Variants in TCF12 observed in about 807,000 individuals in gnomAD.
The protein encoded by TCF12 is DNA-binding protein HTF4.
TCF12 carries 45 observed loss-of-function variants against 86.0 expected under a neutral mutation model. That is an observed-to-expected ratio of 0.52 (90% CI 0.41 to 0.67). The LOEUF is 0.67. Ranked by LOEUF, TCF12 falls within the 30% of genes least tolerant of loss-of-function variation. The pLI, the probability that TCF12 is intolerant of heterozygous loss-of-function variation, is 0.00. For missense variants in TCF12, 881 were observed against 859.9 expected, an observed-to-expected ratio of 1.02 and a Z score of -0.31; for synonymous variants, 330 against 299.6, an observed-to-expected ratio of 1.10 and a Z score of -1.05.
At chr15:57,038,690 T>G (rs1476326050) in intron 3 of TCF12, among the ~76,000 whole-genome samples, 1 of 152,146 alleles carries the variant, frequency 6.6e-6, no homozygotes, top group Admixed American at 6.5e-5. Context: ...GCCATAGAGT[T>G]TATCTAAAAA....
At chr15:57,156,813 T>C (rs1261621601) in intron 5 of TCF12, among the ~76,000 whole-genome samples, 2 of 152,140 alleles carry the variant, frequency 1.3e-5, no homozygotes, top group Non-Finnish European at 2.9e-5. Flanking sequence ...ATAGTCAAAA[T>C]ACAAAAAAGA....
chr15:57,269,347 C>T (rs1428535706), intron 18 of TCF12, among the ~76,000 whole-genome samples: 9 of 140,464 alleles, frequency 6.4e-5, no homozygotes, highest in Middle Eastern at 4.2e-3. Context: ...GGATTGCAAC[C>T]GCACAACCCC....
chr15:57,227,173 C>G (rs1417259261), intron 8 of TCF12, among the ~76,000 whole-genome samples: 1 of 152,084 alleles, frequency 6.6e-6, no homozygotes. Context: ...TTTGTCTTAT[C>G]TGAATGTGAC....
At chr15:57,172,526 A>T (rs2055587566) in intron 6 of TCF12, among the ~76,000 whole-genome samples, 1 of 152,174 alleles carries the variant, frequency 6.6e-6, no homozygotes, top group African/African-American at 2.4e-5. Context: ...AAGGTTTGAA[A>T]CCATACAGAG....
At chr15:57,052,991 G>A (rs1418282309) in intron 3 of TCF12, among the ~76,000 whole-genome samples, 3 of 151,954 alleles carry the variant, frequency 2.0e-5, no homozygotes, top group Non-Finnish European at 4.4e-5. Context: ...GGGATTGCTG[G>A]GTCATTATGA....
chr15:57,133,457 C>G (rs1297581258), intron 5 of TCF12, among the ~76,000 whole-genome samples: 1 of 152,190 alleles, frequency 6.6e-6, no homozygotes, highest in African/African-American at 2.4e-5. Context: ...TCCAGAGAGC[C>G]TGCCCCCTCC....
intron 3 of TCF12, among the ~76,000 whole-genome samples, chr15:57,025,420 T>TG (rs1567275487): frequency 6.6e-6 from 1 of 152,102 alleles, no homozygotes; most frequent in African/African-American, 2.4e-5. Flanking sequence ...GAGGTTTCTT[T>TG]GGGGCACTCC....
At chr15:57,109,167 A>G (rs963009819) in intron 5 of TCF12, 1 of 152,162 alleles carries the variant, frequency 6.6e-6, no homozygotes, top group African/African-American at 2.4e-5. Context: ...GGATATATTT[A>G]TCTACTGTGA....
chr15:57,181,403 G>A (rs1043659188), intron 6 of TCF12, among the ~76,000 whole-genome samples: 3 of 149,204 alleles, frequency 2.0e-5, no homozygotes, highest in Non-Finnish European at 4.4e-5. Flanking sequence ...TTTCCCTTTT[G>A]AGAATAAAGA....
At chr15:57,065,743 A>G (rs2068820967) in intron 4 of TCF12, among the ~76,000 whole-genome samples, 1 of 152,036 alleles carries the variant, frequency 6.6e-6, no homozygotes, top group Admixed American at 6.6e-5. Flanking sequence ...CAGACATGAA[A>G]TCCAAAGCAA....
Position 57,067,356 on chromosome 15 carries a change from C to T in TCF12, c.222+3533C>T, listed in dbSNP as rs1247313416. Among the ~76,000 whole-genome samples the T allele has an allele frequency of 4.6e-5, 7 of 151,482 alleles. No homozygotes were observed. The South Asian group carries it at 6.3e-4, about 14-fold the overall frequency. On this transcript the variant is annotated intron_variant, in intron 4 of 20. Transcript: ENST00000333725. ...GAGATCGAGACCATCCCGGCTAAAA[C>T]GGTGAAACCCCGTCTCTACTAAAAA...
At chr15:57,183,864 C>G (rs1459390094) in intron 6 of TCF12, among the ~76,000 whole-genome samples, 1 of 152,128 alleles carries the variant, frequency 6.6e-6, no homozygotes, top group Non-Finnish European at 1.5e-5. Context: ...CTCGGGATAC[C>G]TAACTCCAAA....
At chr15:56,920,564 C>T (rs1425006499) in intron 2 of TCF12, among the ~76,000 whole-genome samples, 4 of 151,052 alleles carry the variant, frequency 2.6e-5, no homozygotes, top group Admixed American at 1.3e-4. Flanking sequence ...ACCTAAGGGC[C>T]CACTGCTTTT....
chr15:57,002,042 G>GT (rs1213329852), intron 3 of TCF12, among the ~76,000 whole-genome samples: 2 of 152,178 alleles, frequency 1.3e-5, no homozygotes, highest in Non-Finnish European at 2.9e-5. Flanking sequence ...GTTGAGAAGC[G>GT]TATCTATGTC....
At chr15:57,211,337 G>A (rs1234544261) in intron 8 of TCF12, among the ~76,000 whole-genome samples, 1 of 152,116 alleles carries the variant, frequency 6.6e-6, no homozygotes, top group Non-Finnish European at 1.5e-5. Flanking sequence ...GGCTGAGGTG[G>A]GAGGATTGCT....
At chr15:56,946,798 C>CTTTTTTTTTTTTTTTTTTTTT (rs71113039) in intron 3 of TCF12, among the ~76,000 whole-genome samples, 1 of 113,544 alleles carries the variant, frequency 8.8e-6, no homozygotes, top group African/African-American at 3.1e-5. Flanking sequence ...TCTAAAGTAC[C>CTTTTTTTTTTTTTTTTTTTTT]TTTTTTTTTT....
intron 6 of TCF12, among the ~76,000 whole-genome samples, chr15:57,170,745 T>TATTATATATAACA (rs1342153770): frequency 3.2e-5 from 1 of 31,462 alleles, no homozygotes; most frequent in East Asian, 6.4e-4. Context: ...ATAATATATA[T>TATTATATATAACA]TATATATTAT....
chr15:57,125,461 C>G (rs2051575071), intron 5 of TCF12, among the ~76,000 whole-genome samples: 1 of 152,116 alleles, frequency 6.6e-6, no homozygotes, highest in Non-Finnish European at 1.5e-5. Context: ...TTACACGAGG[C>G]AAACCTACAG....
chr15:57,213,411 A>C (rs997256471), intron 8 of TCF12, among the ~76,000 whole-genome samples: 1 of 152,210 alleles, frequency 6.6e-6, no homozygotes, highest in African/African-American at 2.4e-5. Context: ...GGTAGACTCA[A>C]CATTTATTTA....
Sources: allele counts gnomAD v4.1 joint callset (sites outside exome capture counted in the v4.1 genomes callset), GRCh38; gene constraint gnomAD v4.1.1; transcripts MANE v1.5; gene names NCBI Gene and HGNC (gene_info 2026-07-23, HGNC 2026-07-21).